Variants in CPEB3 observed in about 807,000 individuals in gnomAD.
CPEB3 encodes cytoplasmic polyadenylation element-binding protein 3.
CPEB3 carries 20 observed loss-of-function variants against 67.2 expected under a neutral mutation model. That is an observed-to-expected ratio of 0.30 (90% CI 0.21 to 0.43). CPEB3 has a LOEUF of 0.43. Ranked by LOEUF, CPEB3 falls within the 20% of genes least tolerant of loss-of-function variation. CPEB3 has a pLI of 1.00. For synonymous variants in CPEB3, 376 were observed against 393.1 expected (o/e 0.96, Z 0.51); for missense variants, 746 against 968.6 (o/e 0.77, Z 3.05).
chr10:92,093,142 GTC>G (rs1843692112), intron 7 of CPEB3, among the ~76,000 whole-genome samples: 1 of 152,084 alleles, frequency 6.6e-6, no homozygotes, highest in Admixed American at 6.6e-5. Context: ...ATTTTGCACG[GTC>G]TCAAAACCAA....
chr10:92,257,545 C>T (rs1447798862), intron 1 of CPEB3, among the ~76,000 whole-genome samples: 1 of 152,104 alleles, frequency 6.6e-6, no homozygotes, highest in African/African-American at 2.4e-5. Context: ...ATCCTCCTGC[C>T]TTGGCCTCCC....
chr10:92,155,143 A>T (rs956410081), intron 4 of CPEB3, among the ~76,000 whole-genome samples: 8 of 152,192 alleles, frequency 5.3e-5, no homozygotes, highest in Admixed American at 2.6e-4. Flanking sequence ...CGTGAGGCGG[A>T]GGTTGCAGTG....
At chr10:92,247,459 G>A (rs1259132536) in intron 1 of CPEB3, among the ~76,000 whole-genome samples, 1 of 151,918 alleles carries the variant, frequency 6.6e-6, no homozygotes. Flanking sequence ...GTGCAGTGGC[G>A]CGATCTCAGC....
chr10:92,269,787 A>G (rs1590587269), intron 1 of CPEB3, among the ~76,000 whole-genome samples: 1 of 152,030 alleles, frequency 6.6e-6, no homozygotes, highest in East Asian at 1.9e-4. Flanking sequence ...TGAACTCCTG[A>G]CCTCAGGTGA....
At chr10:92,133,810 A>C (rs1845957566) in intron 6 of CPEB3, among the ~76,000 whole-genome samples, 3 of 152,240 alleles carry the variant, frequency 2.0e-5, no homozygotes, top group Admixed American at 1.3e-4. Flanking sequence ...GAAAAAGCTT[A>C]TCCACCATGA....
At chr10:92,248,414 C>G (rs912268932) in intron 1 of CPEB3, among the ~76,000 whole-genome samples, 1 of 152,128 alleles carries the variant, frequency 6.6e-6, no homozygotes, top group Non-Finnish European at 1.5e-5. Context: ...GAAAGGACAA[C>G]TGTACATGGG....
intron 2 of CPEB3, among the ~76,000 whole-genome samples, chr10:92,211,287 T>C (rs1466319456): frequency 1.3e-5 from 2 of 152,200 alleles, no homozygotes; most frequent in South Asian, 2.1e-4. Context: ...AGATAATTTA[T>C]CAAGTATCCA....
chr10:92,148,553 G>GT (rs1421938916), intron 4 of CPEB3, among the ~76,000 whole-genome samples: 1 of 151,962 alleles, frequency 6.6e-6, no homozygotes, highest in Non-Finnish European at 1.5e-5. Flanking sequence ...TTTTTATTGA[G>GT]TATCTCTTTC....
chr10:92,278,175 G>A (rs1292976561), intron 1 of CPEB3, among the ~76,000 whole-genome samples: 34 of 149,854 alleles, frequency 2.3e-4, no homozygotes, highest in Admixed American at 1.6e-3. Context: ...ACAGAGCAAG[G>A]CTCCATCTCA....
intron 6 of CPEB3, among the ~76,000 whole-genome samples, chr10:92,120,357 G>A (rs1845299175): frequency 6.6e-6 from 1 of 152,106 alleles, no homozygotes; most frequent in Non-Finnish European, 1.5e-5. Flanking sequence ...GGCCGAGGAA[G>A]GAGGATCACG....
In CPEB3 at chr10:92,239,812, T is replaced by TGCGCTGGCTGTGCCGGCTGCG. The variant is rs1444279210; in HGVS notation, c.518_538dup (p.Pro173_Ala179dup). The TGCGCTGGCTGTGCCGGCTGCG allele has an allele frequency of 4.2e-6, 6 of 1,431,622 alleles. No homozygotes were observed. The highest frequency in any genetic ancestry group is 5.5e-6 in the Non-Finnish European group (6 of 1,096,328). 88.7% of individuals were successfully genotyped at this position (1,431,622 alleles called of 1,614,324 possible). The stretch of plus-strand genomic sequence containing the variant: ...CTGCGGGGGCTGCGCCTGTGGTGGC[T>TGCGCTGGCTGTGCCGGCTGCG]GCGCTGGCTGTGCCGGCTGCGGCGC... On this transcript the variant is annotated inframe_insertion, in exon 2 of 10. Transcript: ENST00000265997. The surrounding 1 kb of genome is among the most constrained non-coding windows in gnomAD (Gnocchi z 6.0).
intron 1 of CPEB3, among the ~76,000 whole-genome samples, chr10:92,253,157 C>A (rs1433470176): frequency 6.6e-6 from 1 of 151,952 alleles, no homozygotes; most frequent in Non-Finnish European, 1.5e-5. Flanking sequence ...ACTGGGTGTT[C>A]ACTTTGAAAA....
chr10:92,239,490 G>A lies in CPEB3; in HGVS notation c.861C>T (p.Asn287=), dbSNP rs1851708835. Residue 287 remains asparagine, a synonymous_variant, in exon 2 of 10, where the codon AAC becomes AAT. Transcript: ENST00000265997. The surrounding 1 kb of genome is among the most constrained non-coding windows in gnomAD (Gnocchi z 6.0). ...AGGGCTTTTTGAGCGGCGAGATGGG[G>A]TTGAGCGGGGAAGGCACCCCGACAC... The part of the protein sequence containing the change: ...GVGVGVPSPL[N]PISPLKKPFS... 6.3e-7 allele frequency: 1 copy of A among 1,587,530 alleles called. No homozygotes were observed. The highest frequency in any genetic ancestry group is 8.6e-7 in the Non-Finnish European group (1 of 1,166,608).
chr10:92,282,750 C>A (rs1341644734), intron 1 of CPEB3, among the ~76,000 whole-genome samples: 1 of 152,074 alleles, frequency 6.6e-6, no homozygotes, highest in Non-Finnish European at 1.5e-5. Context: ...ATTCTGGGGA[C>A]CAAAGTCTCC....
intron 1 of CPEB3, among the ~76,000 whole-genome samples, chr10:92,268,452 A>G (rs533601713): frequency 3.3e-5 from 5 of 152,086 alleles, no homozygotes; most frequent in Non-Finnish European, 7.4e-5. Flanking sequence ...ATGTAGCAAG[A>G]CTCCATCTCT....
intron 6 of CPEB3, chr10:92,137,773 C>T (rs989792738): frequency 8.5e-5 from 23 of 270,194 alleles, no homozygotes; most frequent in Non-Finnish European, 9.8e-5. Context: ...CCAAGGTGGG[C>T]GGATCACAAG....
At chr10:92,287,778 T>C (rs1277229029) in intron 1 of CPEB3, among the ~76,000 whole-genome samples, 1 of 152,202 alleles carries the variant, frequency 6.6e-6, no homozygotes, top group Non-Finnish European at 1.5e-5. Context: ...ATCTTATTTG[T>C]GATATAATTC....
At position 92,130,981 on chromosome 10, in the gene CPEB3, A is replaced by C. The variant is rs537494734; in HGVS notation, c.1453+12048T>G. On this transcript the variant is annotated intron_variant, in intron 6 of 9. Transcript: ENST00000265997. The stretch of plus-strand genomic sequence containing the variant: ...GGGTATTATTAAGAAGGCATTGAAC[A>C]GTTTGAGGTGAACAATGTAGATATT... 6.3e-4 allele frequency among the ~76,000 whole-genome samples: 96 copies of C among 152,350 alleles called. 1 individual carries two copies. The highest frequency in any genetic ancestry group is 9.7e-4 in the Non-Finnish European group (66 of 68,034).
intron 6 of CPEB3, among the ~76,000 whole-genome samples, chr10:92,128,273 A>C (rs371152846): frequency 2.6e-5 from 4 of 152,324 alleles, no homozygotes; most frequent in African/African-American, 9.6e-5. Flanking sequence ...TTGAAGAAGA[A>C]TTGTCTTGGG....
Sources: gnomAD v4.1 joint callset for allele counts (sites outside exome capture counted in the v4.1 genomes callset) on GRCh38, gnomAD v4.1.1 for gene constraint, Gnocchi (gnomAD v3.1) non-coding constraint, MANE v1.5 for transcripts, NCBI Gene and HGNC (gene_info 2026-07-23, HGNC 2026-07-21) for gene names.